Variants in KCNN2 observed in about 807,000 individuals in gnomAD.
KCNN2 encodes the protein potassium calcium-activated channel subfamily N member 2.
KCNN2 carries 24 observed loss-of-function variants against 55.5 expected under a neutral mutation model. The observed-to-expected ratio is 0.43, with a 90% CI of 0.31 to 0.61. KCNN2 has a LOEUF of 0.61. Ranked by LOEUF, KCNN2 falls within the 20% of genes least tolerant of loss-of-function variation. The pLI, the probability that KCNN2 is intolerant of heterozygous loss-of-function variation, is 0.08. For missense variants in KCNN2, 754 were observed against 853.6 expected, an observed-to-expected ratio of 0.88 and a Z score of 1.45; for synonymous variants, 431 against 336.1, an observed-to-expected ratio of 1.28 and a Z score of -3.09.
chr5:114,093,494 C>A (rs1450032567), intron 1 of KCNN2, among the ~76,000 whole-genome samples: 1 of 152,174 alleles, frequency 6.6e-6, no homozygotes, highest in Non-Finnish European at 1.5e-5. Context: ...GTGCCCCACT[C>A]CCAGTACCAA....
intron 2 of KCNN2, among the ~76,000 whole-genome samples, chr5:114,258,529 G>C (rs1480931632): frequency 6.6e-6 from 1 of 151,874 alleles, no homozygotes; most frequent in Non-Finnish European, 1.5e-5. Context: ...ACTCATTGTT[G>C]GTTTGCTCGA....
chr5:114,367,940 A>C (rs553131577), intron 2 of KCNN2, among the ~76,000 whole-genome samples: 2 of 152,206 alleles, frequency 1.3e-5, no homozygotes, highest in South Asian at 4.1e-4. Context: ...TCCTGGAAGA[A>C]TGGCAGATGA....
intron 3 of KCNN2, among the ~76,000 whole-genome samples, chr5:114,462,494 T>A (rs887356678): frequency 6.6e-6 from 1 of 152,066 alleles, no homozygotes; most frequent in African/African-American, 2.4e-5. Context: ...GGTCCCATGA[T>A]CTAGGGATGT....
intron 2 of KCNN2, among the ~76,000 whole-genome samples, chr5:114,251,886 T>C (rs1485209748): frequency 3.3e-5 from 5 of 149,516 alleles, no homozygotes; most frequent in Non-Finnish European, 7.4e-5. Flanking sequence ...TTTTCTTTTT[T>C]TTTTTTTTTT....
intron 2 of KCNN2, among the ~76,000 whole-genome samples, chr5:114,253,297 T>C (rs967513214): frequency 7.9e-5 from 12 of 152,010 alleles, no homozygotes; most frequent in African/African-American, 2.7e-4. Flanking sequence ...CTTATGGAAA[T>C]GCAGGTCAAA....
At chr5:114,172,033 T>C (rs1753043797) in intron 1 of KCNN2, among the ~76,000 whole-genome samples, 1 of 151,902 alleles carries the variant, frequency 6.6e-6, no homozygotes, top group Non-Finnish European at 1.5e-5. Context: ...GGAAACATTA[T>C]TGATCCTATA....
chr5:114,142,578 G>C (rs1752308955), intron 1 of KCNN2, among the ~76,000 whole-genome samples: 1 of 152,158 alleles, frequency 6.6e-6, no homozygotes, highest in South Asian at 2.1e-4. Flanking sequence ...ACCAATAACA[G>C]ACAAACAGAG....
intron 3 of KCNN2, among the ~76,000 whole-genome samples, chr5:114,409,831 G>A (rs1580802289): frequency 6.6e-6 from 1 of 152,236 alleles, no homozygotes; most frequent in East Asian, 1.9e-4. Flanking sequence ...GGCATATCAT[G>A]TGCCTCTGAA....
At chr5:114,336,131 G>A (rs1480464562) in intron 2 of KCNN2, among the ~76,000 whole-genome samples, 2 of 152,172 alleles carry the variant, frequency 1.3e-5, no homozygotes, top group East Asian at 1.9e-4. Flanking sequence ...AGGAGGATTA[G>A]TTGTTTACCT....
At chr5:114,204,928 A>G (rs955546111) in intron 1 of KCNN2, among the ~76,000 whole-genome samples, 1 of 152,274 alleles carries the variant, frequency 6.6e-6, no homozygotes, top group East Asian at 1.9e-4. Flanking sequence ...ACATTATAGC[A>G]TAAGAGACTC....
chr5:114,456,418 G>A (rs1411364843), intron 3 of KCNN2, among the ~76,000 whole-genome samples: 4 of 152,144 alleles, frequency 2.6e-5, no homozygotes, highest in African/African-American at 9.7e-5. Flanking sequence ...AGACTTCTCT[G>A]AAATTATTAC....
chr5:114,241,796 A>G (rs7717066), intron 2 of KCNN2, among the ~76,000 whole-genome samples: 869 of 24,290 alleles, frequency 0.036, 221 homozygotes, highest in African/African-American at 0.037. Flanking sequence ...ATATATATGT[A>G]TATATATACG....
intron 3 of KCNN2, among the ~76,000 whole-genome samples, chr5:114,437,584 A>G (rs1760053158): frequency 6.6e-6 from 1 of 152,214 alleles, no homozygotes; most frequent in Non-Finnish European, 1.5e-5. Flanking sequence ...TAGAAAATAA[A>G]AAAGTGTTAT....
At chr5:114,299,919 CA>C (rs1242487521) in intron 2 of KCNN2, among the ~76,000 whole-genome samples, 1 of 152,116 alleles carries the variant, frequency 6.6e-6, no homozygotes, top group Non-Finnish European at 1.5e-5. Context: ...AAATAACTTC[CA>C]GTATCAGATG....
chr5:114,306,054 G>C (rs1756262871), intron 2 of KCNN2, among the ~76,000 whole-genome samples: 1 of 152,176 alleles, frequency 6.6e-6, no homozygotes, highest in South Asian at 2.1e-4. Context: ...AGGTGATCAA[G>C]GTTTCTATAG....
intron 1 of KCNN2, among the ~76,000 whole-genome samples, chr5:114,154,325 G>C (rs1752585957): frequency 6.6e-6 from 1 of 152,034 alleles, no homozygotes. Flanking sequence ...CAAAAATTTT[G>C]CTTTTGGATT....
intron 2 of KCNN2, among the ~76,000 whole-genome samples, chr5:114,237,391 A>T (rs1344312029): frequency 3.3e-5 from 5 of 152,082 alleles, no homozygotes; most frequent in Admixed American, 6.5e-5. Context: ...GTAAGCCCCT[A>T]GAACTTCCAG....
chr5:114,410,776 A>T (rs1759106740), intron 3 of KCNN2, among the ~76,000 whole-genome samples: 1 of 152,118 alleles, frequency 6.6e-6, no homozygotes, highest in Non-Finnish European at 1.5e-5. Flanking sequence ...GATTCCAGGT[A>T]ATGTTTGGAA....
chr5:114,079,044 A>G (rs1484632744), intron 1 of KCNN2, among the ~76,000 whole-genome samples: 4 of 152,194 alleles, frequency 2.6e-5, no homozygotes, highest in Admixed American at 1.3e-4. Context: ...TGACCCAAGT[A>G]TATTGATTCT....
Sources: gnomAD v4.1 joint callset for allele counts (sites outside exome capture counted in the v4.1 genomes callset) on GRCh38, gnomAD v4.1.1 for gene constraint, MANE v1.5 for transcripts, NCBI Gene and HGNC (gene_info 2026-07-23, HGNC 2026-07-21) for gene names.